Variants in DLG2 observed in about 807,000 individuals in gnomAD.
The protein encoded by DLG2 is disks large homolog 2.
Under a neutral mutation model 132.5 loss-of-function variants are expected in DLG2, and 45 were observed. The observed-to-expected ratio is 0.34, with a 90% CI of 0.27 to 0.44. The LOEUF (loss-of-function observed/expected upper bound fraction) is 0.44, where lower values mean the gene tolerates loss of function less well. Among genes scored for constraint, DLG2 ranks in the 20% least tolerant of loss-of-function variants. The probability of loss-of-function intolerance (pLI) is 1.00; values close to 1 mark genes in which losing one functional copy is unlikely to be tolerated. For missense variants in DLG2, 1,045 were observed against 1,196.9 expected (o/e 0.87, Z 1.87); for synonymous variants, 424 against 419.6 (o/e 1.01, Z -0.13).
intron 6 of DLG2, among the ~76,000 whole-genome samples, chr11:84,884,986 T>C (rs2088000070): frequency 6.6e-6 from 1 of 152,076 alleles, no homozygotes; most frequent in Admixed American, 6.6e-5. Flanking sequence ...TGTCTGATCC[T>C]GACATCTAAC....
At chr11:84,461,662 G>A (rs2099080502) in intron 7 of DLG2, among the ~76,000 whole-genome samples, 2 of 150,928 alleles carry the variant, frequency 1.3e-5, no homozygotes, top group Admixed American at 1.3e-4. Context: ...GGCTTTGGGT[G>A]AGAATTTAGA....
intron 5 of DLG2, among the ~76,000 whole-genome samples, chr11:85,141,747 G>T (rs937284864): frequency 2.0e-4 from 31 of 151,626 alleles, no homozygotes; most frequent in African/African-American, 7.5e-4. Flanking sequence ...TGAGATATAG[G>T]GTTGTAGTTT....
chr11:84,985,339 C>T (rs117494681), intron 6 of DLG2, among the ~76,000 whole-genome samples: 355 of 152,058 alleles, frequency 2.3e-3, no homozygotes, highest in East Asian at 9.7e-3. Context: ...CAAAACCATG[C>T]GAATACATGG....
chr11:85,513,858 C>G (rs1303161187), intron 3 of DLG2, among the ~76,000 whole-genome samples: 1 of 151,948 alleles, frequency 6.6e-6, no homozygotes, highest in African/African-American at 2.4e-5. Context: ...TCTCCCAAAT[C>G]CCCCAAATCT....
At chr11:83,488,714 GAT>G (rs1196106660) in intron 21 of DLG2, among the ~76,000 whole-genome samples, 1 of 151,952 alleles carries the variant, frequency 6.6e-6, no homozygotes, top group Non-Finnish European at 1.5e-5. Flanking sequence ...ACTGAGCTCA[GAT>G]ACGTCTTTTC....
chr11:84,624,113 A>C (rs1467663143), intron 6 of DLG2, among the ~76,000 whole-genome samples: 2 of 152,186 alleles, frequency 1.3e-5, no homozygotes, highest in Non-Finnish European at 2.9e-5. Context: ...CTTCAACTTG[A>C]GTAAAGATAG....
At chr11:83,739,353 A>T (rs2153714191) in intron 18 of DLG2, among the ~76,000 whole-genome samples, 2 of 152,300 alleles carry the variant, frequency 1.3e-5, no homozygotes, top group South Asian at 4.2e-4. Context: ...AAATTCTACT[A>T]ATCGTTTCTA....
At chr11:83,528,970 C>G (rs769669702) in intron 21 of DLG2, among the ~76,000 whole-genome samples, 6 of 152,072 alleles carry the variant, frequency 3.9e-5, no homozygotes, top group Non-Finnish European at 7.4e-5. Context: ...TTCCTGCAAC[C>G]TTTAATTTAA....
chr11:85,163,968 G>A (rs998661909), intron 4 of DLG2, among the ~76,000 whole-genome samples: 1 of 152,258 alleles, frequency 6.6e-6, no homozygotes, highest in Admixed American at 6.5e-5. Flanking sequence ...ATAAGGGACA[G>A]AATTCCCTTA....
chr11:83,954,742 C>A (rs183180767), intron 14 of DLG2, among the ~76,000 whole-genome samples: 3 of 152,210 alleles, frequency 2.0e-5, no homozygotes, highest in Admixed American at 2.0e-4. Context: ...AATTTTCCAT[C>A]AAAAAATCAT....
At chr11:84,808,784 A>G (rs1719668713) in intron 6 of DLG2, among the ~76,000 whole-genome samples, 1 of 151,972 alleles carries the variant, frequency 6.6e-6, no homozygotes, top group Non-Finnish European at 1.5e-5. Flanking sequence ...TAGCTCCATT[A>G]CCTTTAAAAG....
At chr11:84,010,104 C>G (rs1592995094) in intron 11 of DLG2, among the ~76,000 whole-genome samples, 1 of 151,786 alleles carries the variant, frequency 6.6e-6, no homozygotes, top group East Asian at 1.9e-4. Flanking sequence ...AAATATATCT[C>G]AAGAAAAAAT....
intron 3 of DLG2, chr11:85,286,054 A>G: frequency 2.3e-6 from 1 of 429,624 alleles, no homozygotes. Flanking sequence ...CAAATGTATA[A>G]AATAACCTCC....
At chr11:83,508,513 G>T (rs1461140227) in intron 21 of DLG2, among the ~76,000 whole-genome samples, 1 of 149,568 alleles carries the variant, frequency 6.7e-6, no homozygotes, top group Non-Finnish European at 1.5e-5. Flanking sequence ...AAAGTGCTGG[G>T]ATTACAGGCG....
chr11:85,154,943 G>C (rs1238636536), intron 4 of DLG2, among the ~76,000 whole-genome samples: 1 of 152,198 alleles, frequency 6.6e-6, no homozygotes, highest in East Asian at 1.9e-4. Flanking sequence ...GGTTAAAGCT[G>C]AGCATGGTTA....
chr11:84,525,023 G>A (rs1038252699), intron 7 of DLG2, among the ~76,000 whole-genome samples: 7 of 152,120 alleles, frequency 4.6e-5, no homozygotes, highest in Admixed American at 3.3e-4. Context: ...AAGCTACTAA[G>A]GGCTAAATGT....
chr11:84,741,324 G>A (rs1163996758), intron 6 of DLG2, among the ~76,000 whole-genome samples: 1 of 151,960 alleles, frequency 6.6e-6, no homozygotes, highest in Admixed American at 6.5e-5. Context: ...AAAGTGCTGG[G>A]ATTACAGGCG....
intron 21 of DLG2, among the ~76,000 whole-genome samples, chr11:83,528,224 C>A (rs2095655297): frequency 6.6e-6 from 1 of 152,178 alleles, no homozygotes; most frequent in African/African-American, 2.4e-5. Flanking sequence ...TAAAGGCACA[C>A]AGAGTGGATA....
At chr11:85,295,175 G>T (rs557915804) in intron 3 of DLG2, among the ~76,000 whole-genome samples, 2 of 152,150 alleles carry the variant, frequency 1.3e-5, no homozygotes, top group East Asian at 3.9e-4. Context: ...ATGTAGGAAC[G>T]TTGTCAATTC....
Sources: gnomAD v4.1 joint callset for allele counts (sites outside exome capture counted in the v4.1 genomes callset) on GRCh38, gnomAD v4.1.1 for gene constraint, MANE v1.5 for transcripts, NCBI Gene and HGNC (gene_info 2026-07-23, HGNC 2026-07-21) for gene names.